Variants in FHIT observed in about 807,000 individuals in gnomAD.
The protein encoded by FHIT is bis(5'-adenosyl)-triphosphatase.
In FHIT, 19 loss-of-function variants were observed where a neutral mutation model predicts 17.9. That is an observed-to-expected ratio of 1.06 (90% CI 0.74 to 1.56). The LOEUF (loss-of-function observed/expected upper bound fraction) is 1.56, where lower values mean the gene tolerates loss of function less well. Ranked by LOEUF, FHIT falls within the 40% of genes most tolerant of loss-of-function variation. The pLI, the probability that FHIT is intolerant of heterozygous loss-of-function variation, is 0.00. For synonymous variants in FHIT, 81 were observed against 69.7 expected, an observed-to-expected ratio of 1.16 and a Z score of -0.81; for missense variants, 248 against 189.2, an observed-to-expected ratio of 1.31 and a Z score of -1.82.
intron 5 of FHIT, among the ~76,000 whole-genome samples, chr3:60,088,241 G>A (rs1184854200): frequency 1.3e-5 from 2 of 152,042 alleles, no homozygotes; most frequent in African/African-American, 2.4e-5. Flanking sequence ...TTCATGATCC[G>A]AACACCTCCC....
At chr3:60,024,936 CAGACT>C (rs1700685429) in intron 5 of FHIT, among the ~76,000 whole-genome samples, 2 of 152,164 alleles carry the variant, frequency 1.3e-5, no homozygotes, top group Admixed American at 1.3e-4. Context: ...ATCTTTATTG[CAGACT>C]AGGTAAAAGA....
chr3:61,232,985 G>GCTA (rs2040143056), intron 1 of FHIT, among the ~76,000 whole-genome samples: 1 of 152,148 alleles, frequency 6.6e-6, no homozygotes. Context: ...AATAAAAGTG[G>GCTA]CTACTACCTT....
At chr3:60,325,592 A>G (rs535976755) in intron 5 of FHIT, among the ~76,000 whole-genome samples, 1 of 152,356 alleles carries the variant, frequency 6.6e-6, no homozygotes, top group East Asian at 1.9e-4. Context: ...CTAAAAATAC[A>G]TTCATTACAT....
At chr3:61,239,246 C>T (rs1464423746) in intron 1 of FHIT, among the ~76,000 whole-genome samples, 1 of 152,210 alleles carries the variant, frequency 6.6e-6, no homozygotes, top group Non-Finnish European at 1.5e-5. Flanking sequence ...AAATTCCATA[C>T]TTTGACTTCA....
At chr3:60,715,065 T>G (rs1428222278) in intron 4 of FHIT, among the ~76,000 whole-genome samples, 2 of 152,136 alleles carry the variant, frequency 1.3e-5, no homozygotes, top group Non-Finnish European at 2.9e-5. Context: ...CAAAACAGCA[T>G]GGTACTGGTA....
chr3:61,143,068 C>G (rs943980259), intron 2 of FHIT, among the ~76,000 whole-genome samples: 17 of 152,040 alleles, frequency 1.1e-4, no homozygotes, highest in African/African-American at 4.1e-4. Context: ...CACAATATGA[C>G]AAAATTAATA....
At chr3:61,192,674 C>T (rs1318123707) in intron 2 of FHIT, among the ~76,000 whole-genome samples, 1 of 152,142 alleles carries the variant, frequency 6.6e-6, no homozygotes, top group African/African-American at 2.4e-5. Flanking sequence ...ATTTATGTGG[C>T]CTCCTTTGAG....
rs1349895626 is a variant in FHIT at position 60,878,720 on chromosome 3, A to G, written c.-110-56709T>C. Among the ~76,000 whole-genome samples, 6 of 151,642 alleles carry G rather than the reference A, an allele frequency of 4.0e-5. No homozygotes were observed. The East Asian group carries it at 1.2e-3, about 29-fold the overall frequency. On this transcript the variant is annotated intron_variant, in intron 3 of 9. Transcript: ENST00000492590. The stretch of plus-strand genomic sequence containing the variant: ...TGTTCTCATTGTTCAATTCCCACCT[A>G]TGAGTGAGAACACGCGGTGTTTGGT...
At chr3:61,186,839 C>CACTCCTT (rs1395127421) in intron 2 of FHIT, among the ~76,000 whole-genome samples, 1 of 152,188 alleles carries the variant, frequency 6.6e-6, no homozygotes, top group Non-Finnish European at 1.5e-5. Context: ...TCTCTTCACC[C>CACTCCTT]ACTCCTTACA....
chr3:60,999,858 T>C (rs574316574), intron 3 of FHIT, among the ~76,000 whole-genome samples: 4 of 152,228 alleles, frequency 2.6e-5, no homozygotes, highest in African/African-American at 9.6e-5. Flanking sequence ...GGGAAGCCCA[T>C]CAAGGTACCA....
intron 5 of FHIT, among the ~76,000 whole-genome samples, chr3:60,384,841 A>G (rs1482119668): frequency 8.2e-6 from 1 of 121,734 alleles, no homozygotes; most frequent in African/African-American, 3.5e-5. Context: ...ATTAGTAAAA[A>G]AAAAAAAAAA....
intron 5 of FHIT, among the ~76,000 whole-genome samples, chr3:60,035,945 A>G (rs914031826): frequency 1.3e-5 from 2 of 152,206 alleles, no homozygotes; most frequent in African/African-American, 4.8e-5. Context: ...CTATTTGTCC[A>G]TGGTGGGCCA....
chr3:60,791,946 A>T (rs1194098733), intron 4 of FHIT, among the ~76,000 whole-genome samples: 1 of 152,230 alleles, frequency 6.6e-6, no homozygotes, highest in African/African-American at 2.4e-5. Context: ...ATCATATTCA[A>T]TTGTATACAC....
chr3:60,074,784 A>G (rs1007568388), intron 5 of FHIT, among the ~76,000 whole-genome samples: 1 of 152,022 alleles, frequency 6.6e-6, no homozygotes, highest in Non-Finnish European at 1.5e-5. Flanking sequence ...CTGATATTCA[A>G]TTACCCTTTT....
At chr3:60,715,490 A>G (rs1461286875) in intron 4 of FHIT, among the ~76,000 whole-genome samples, 1 of 151,924 alleles carries the variant, frequency 6.6e-6, no homozygotes, top group Non-Finnish European at 1.5e-5. Flanking sequence ...ATGAAATTGG[A>G]AATCATCATT....
intron 2 of FHIT, among the ~76,000 whole-genome samples, chr3:61,178,321 T>C (rs1432902884): frequency 6.6e-6 from 1 of 151,890 alleles, no homozygotes; most frequent in Non-Finnish European, 1.5e-5. Context: ...GGCTAAAGAA[T>C]CCACTTGCAC....
chr3:60,136,393 C>G (rs964788470), intron 5 of FHIT, among the ~76,000 whole-genome samples: 3 of 152,302 alleles, frequency 2.0e-5, no homozygotes, highest in East Asian at 1.9e-4. Flanking sequence ...GCAAACCCAA[C>G]TTAAATTTCA....
intron 5 of FHIT, among the ~76,000 whole-genome samples, chr3:60,521,296 G>A (rs2035351142): frequency 6.6e-6 from 1 of 152,074 alleles, no homozygotes; most frequent in Non-Finnish European, 1.5e-5. Flanking sequence ...CTCCCAGGCT[G>A]GAGTGCAATG....
chr3:60,335,958 A>G (rs1185137151), intron 5 of FHIT, among the ~76,000 whole-genome samples: 1 of 152,216 alleles, frequency 6.6e-6, no homozygotes, highest in Non-Finnish European at 1.5e-5. Context: ...AACACAGAAC[A>G]TATTCTGACA....
Sources: allele counts gnomAD v4.1 joint callset (sites outside exome capture counted in the v4.1 genomes callset), GRCh38; gene constraint gnomAD v4.1.1; transcripts MANE v1.5; gene names NCBI Gene and HGNC (gene_info 2026-07-23, HGNC 2026-07-21).